The following CSF3R variants were observed in gnomAD, a reference collection of about 807,000 sequenced individuals.
CSF3R encodes the protein colony stimulating factor 3 receptor, also known as granulocyte colony-stimulating factor receptor.
In CSF3R, 52 loss-of-function variants were observed where a neutral mutation model predicts 84.4. The observed-to-expected ratio is 0.62, with a 90% CI of 0.49 to 0.78. The LOEUF (loss-of-function observed/expected upper bound fraction) is 0.78. CSF3R is among the 30% of genes least tolerant of loss of function. CSF3R has a pLI of 0.00. For missense variants in CSF3R, 890 were observed against 1,055.7 expected, an observed-to-expected ratio of 0.84 and a Z score of 2.17; for synonymous variants, 384 against 429.1, an observed-to-expected ratio of 0.89 and a Z score of 1.30.
chr1:36,475,697 G>A (rs758482056), intron 3 of CSF3R, 24 bp from the exon 4 acceptor site: 1 of 1,599,372 alleles, frequency 6.3e-7, no homozygotes, highest in Admixed American at 1.7e-5. Context: ...GAATGGGCCA[G>A]GAACGACGCC....
Position 36,476,533 on chromosome 1 carries a change from G to A in CSF3R, c.65-860C>T, listed in dbSNP as rs577174714. ...GACCCTCTCAGTTCCAGCTTATACC[G>A]GTCTCTCAGCTCCAGCTATTCTGGC... On this transcript the variant is annotated intron_variant, in intron 3 of 16. Coordinates refer to ENST00000373106, the MANE Select transcript of CSF3R (RefSeq NM_000760.4). Among the ~76,000 whole-genome samples, 2 of 152,066 alleles carry A rather than the reference G, an allele frequency of 1.3e-5. 1 individual carries two copies. The highest frequency in any genetic ancestry group is 4.2e-4 in the South Asian group (2 of 4,816).
At position 36,467,783 on chromosome 1, in the gene CSF3R, C is replaced by T. The variant is rs1342258589; in HGVS notation, c.1864+39G>A. 6.2e-7 allele frequency: 1 copy of T among 1,614,230 alleles called. No individual in the cohort carries two copies. Among genetic ancestry groups the T allele is most frequent in the Non-Finnish European group, 8.5e-7 (1 of 1,180,042 alleles). On this transcript the variant is annotated intron_variant, in intron 14 of 16. Coordinates refer to ENST00000373106, the MANE Select transcript of CSF3R (RefSeq NM_000760.4). The surrounding 1 kb of genome is among the most constrained non-coding windows in gnomAD (Gnocchi z 4.1). ...CAGCATCCTTTGGGTGGGGTACCCT[C>T]CAAACAGCCATCTCTGCCCAGCCCC...
intron 1 of CSF3R, among the ~76,000 whole-genome samples, chr1:36,482,587 A>G (rs1167324057): frequency 6.6e-6 from 1 of 152,094 alleles, no homozygotes; most frequent in Non-Finnish European, 1.5e-5. Context: ...CCCCAAGGAG[A>G]TACTTGGCTG....
chr1:36,466,519 G>A lies in CSF3R; in HGVS notation c.2349C>T (p.Ser783=), dbSNP rs1341992681. 1.2e-6 allele frequency: 2 copies of A among 1,610,040 alleles called. No individual in the cohort carries two copies. The highest frequency in any genetic ancestry group is 1.7e-5 in the Admixed American group (1 of 59,476). The part of the protein sequence containing the change: ...TQPLLAGLTP[S]PKSYENLWFQ... ...ACCAGAGGTTCTCATAGGACTTGGG[G>A]CTGGGGGTGAGGCCCGCCAAGAGGG... The change falls in exon 17 of 17, where the codon AGC becomes AGT. Residue 783 remains serine, a synonymous_variant. Coordinates refer to ENST00000373106, the MANE Select transcript of CSF3R (RefSeq NM_000760.4). This position sits in a 1 kb window ranked among gnomAD's most constrained non-coding sequence, Gnocchi z 4.6.
chr1:36,472,117 T>C lies in CSF3R; in HGVS notation c.1020A>G (p.Thr340=). The C allele has an allele frequency of 6.2e-7, 1 of 1,613,882 alleles. No homozygotes were observed. Among genetic ancestry groups the C allele is most frequent in the Non-Finnish European group, 8.5e-7 (1 of 1,180,024 alleles). The change falls in exon 9 of 17, where the codon ACA becomes ACG. Residue 340 remains threonine, a synonymous_variant. Coordinates refer to ENST00000373106, the MANE Select transcript of CSF3R (RefSeq NM_000760.4). The surrounding 1 kb of genome is among the most constrained non-coding windows in gnomAD (Gnocchi z 5.0). ...TERAPTVRLD[T]WWRQRQLDPR... is the part of the protein sequence containing the mutation. ...GGTCCAGCTGCCTCTGCCGCCACCATGTGTCCAGTCTGACAGTGGGGGCTG... is the reference window on the plus strand; with the variant it reads ...GGTCCAGCTGCCTCTGCCGCCACCACGTGTCCAGTCTGACAGTGGGGGCTG...
intron 10 of CSF3R, 40 bp downstream of exon 10, chr1:36,471,393 G>T (rs4376694): frequency 6.3e-7 from 1 of 1,580,780 alleles, no homozygotes; most frequent in Non-Finnish European, 8.7e-7. Context: ...GAATTGATGC[G>T]CTTGACCTCT....
In CSF3R at chr1:36,475,441, G is replaced by C. The variant is rs753010280; in HGVS notation, c.297C>G (p.Leu99=). Residue 99 remains leucine (L), a synonymous_variant, in exon 4 of 17, where the codon CTC becomes CTG. Transcript: ENST00000373106. ...TGTTGCCCCAGTTCAGGCAGCAGGAGAGAAAGGCCTGAGTGTGGTTGAGGT... is the reference window on the plus strand; with the variant it reads ...TGTTGCCCCAGTTCAGGCAGCAGGACAGAAAGGCCTGAGTGTGGTTGAGGT... The part of the protein sequence containing the change: ...LPHLNHTQAF[L]SCCLNWGNSL... 4 of 1,614,218 alleles carry C rather than the reference G, an allele frequency of 2.5e-6. No individual in the cohort carries two copies. The Admixed American group carries it at 6.7e-5, about 27-fold the overall frequency.
In CSF3R at chr1:36,469,223, G is replaced by T. The variant is rs142503546; in HGVS notation, c.1509C>A (p.Ile503=). 1.2e-6 allele frequency: 2 copies of T among 1,614,098 alleles called. No homozygotes were observed. The highest frequency in any genetic ancestry group is 1.7e-5 in the Admixed American group (1 of 60,014). ...TGGTGTCCTGGTACAAGGGAGTCACGATGATCTCATAGAGCTGAAAGGGCC... is the reference window on the plus strand; with the variant it reads ...TGGTGTCCTGGTACAAGGGAGTCACTATGATCTCATAGAGCTGAAAGGGCC... ...NIRPFQLYEI[I]VTPLYQDTMG... The change falls in exon 12 of 17, where the codon ATC becomes ATA. Residue 503 remains isoleucine, a synonymous_variant. Transcript: ENST00000373106.
Position 36,473,880 on chromosome 1 carries a change from T to C in CSF3R, c.369A>G (p.Pro123=), listed in dbSNP as rs1264124343. 2 of 1,614,162 alleles carry C rather than the reference T, an allele frequency of 1.2e-6. No individual in the cohort carries two copies. The highest frequency in any genetic ancestry group is 1.7e-5 in the Admixed American group (1 of 60,022). The change falls in exon 5 of 17, where the codon CCA becomes CCG. Residue 123 remains proline, a synonymous_variant. Transcript: ENST00000373106. ...DQVELRAGYP[P]AIPHNLSCLM... ...GGCAGGAGAGGTTGTGGGGTATGGC[T>C]GGAGGGTCTGCATGTGGGTGGGAAG...
Position 36,475,405 on chromosome 1 carries a change from G to A in CSF3R, c.333C>T (p.Ile111=). 6.2e-7 allele frequency: 1 copy of A among 1,614,044 alleles called. No individual in the cohort carries two copies. The highest frequency in any genetic ancestry group is 8.5e-7 in the Non-Finnish European group (1 of 1,180,016). ...CCLNWGNSLQ[I]LDQVELRAGY... ...CTGCGCGCAGCTCAACCTGGTCCAG[G>A]ATCTGCAGGCTGTTGCCCCAGTTCA... The change falls in exon 4 of 17, where the codon ATC becomes ATT. Residue 111 remains isoleucine (I), a synonymous_variant. Coordinates refer to ENST00000373106, the MANE Select transcript of CSF3R (RefSeq NM_000760.4).
intron 11 of CSF3R, 23 bp from the exon 12 acceptor site, chr1:36,469,280 G>A (rs1386874914): frequency 6.3e-7 from 1 of 1,582,222 alleles, no homozygotes; most frequent in African/African-American, 1.3e-5. Context: ...AATGGGGTAG[G>A]CACTTCTGTT....
rs1203290914 is a variant in CSF3R at position 36,472,760 on chromosome 1, C to T, written c.674-74G>A. On this transcript the variant is annotated intron_variant, in intron 6 of 16. Coordinates refer to ENST00000373106, the MANE Select transcript of CSF3R (RefSeq NM_000760.4). This position sits in a 1 kb window ranked among gnomAD's most constrained non-coding sequence, Gnocchi z 5.0. Reference sequence around the variant, plus strand: ...GCTCTGCCTTAGCTCCCTCTTGTCTCCCTGTCTGTGGTTCACCATCTGTCC... The same window carrying T: ...GCTCTGCCTTAGCTCCCTCTTGTCTTCCTGTCTGTGGTTCACCATCTGTCC... 1.4e-6 allele frequency: 2 copies of T among 1,443,834 alleles called. No homozygotes were observed. The highest frequency in any genetic ancestry group is 1.4e-5 in the South Asian group (1 of 69,374). 89.4% of individuals were successfully genotyped at this position (1,443,834 alleles called of 1,614,324 possible).
rs937978260 is a variant in CSF3R, at chr1:36,467,052, G to A, written c.2040+178C>T. On this transcript the variant is annotated intron_variant, in intron 16 of 16. Transcript: ENST00000373106. The surrounding 1 kb of genome is among the most constrained non-coding windows in gnomAD (Gnocchi z 4.1). ...CAGTTTTTCCATATCACAGGGAGGT[G>A]ACTGAGGCTTTGAGATGGACAGAGG... The A allele has an allele frequency of 1.6e-6, 2 of 1,275,990 alleles. No homozygotes were observed. Among genetic ancestry groups the A allele is most frequent in the Admixed American group, 2.0e-5 (1 of 50,956 alleles). The allele number at this position is 1,275,990 out of a possible 1,614,324, so 79.0% of individuals were successfully genotyped here. A position where few individuals can be genotyped will look rare whatever the true frequency, so the allele number is the denominator to read the frequency against.
At position 36,469,700 on chromosome 1, in the gene CSF3R, T is replaced by G. The variant is rs1650577590; in HGVS notation, c.1426A>C (p.Thr476Pro). The G allele has an allele frequency of 6.2e-7, 1 of 1,614,004 alleles. No homozygotes were observed. Among genetic ancestry groups the G allele is most frequent in the South Asian group, 1.1e-5 (1 of 91,076 alleles). The change falls in exon 11 of 17, where the codon ACC (threonine) becomes CCC (proline). Residue 476 changes from threonine to proline, a missense_variant. By Grantham distance (38) the Thr-to-Pro change is conservative. Transcript: ENST00000373106. ...CTCCCATTCTGTTCCATCCTCCAGG[T>G]CTTGTTGCTATTGCTCGCGCTGGGG... is the stretch of plus-strand genomic sequence containing the variant. Reference protein sequence around the residue: ...GPPSASNSNKTWRMEQNGRAT... With the variant: ...GPPSASNSNKPWRMEQNGRAT...
chr1:36,468,342 G>T, intron 12 of CSF3R, 121 bp from the exon 13 acceptor site: 1 of 1,004,552 alleles, frequency 1.0e-6, no homozygotes. Flanking sequence ...GGGGACTCAT[G>T]CCCAAGCCTC....
rs1650375363 is a variant in CSF3R, at chr1:36,467,148, G to A, written c.2040+82C>T. On this transcript the variant is annotated intron_variant, in intron 16 of 16. Coordinates refer to ENST00000373106, the MANE Select transcript of CSF3R (RefSeq NM_000760.4). The surrounding 1 kb of genome is among the most constrained non-coding windows in gnomAD (Gnocchi z 4.1). ...TGCCGGAAGTGACAGGAAGGCCTGA[G>A]TACTTGGCTTCAGAAGGTGTCCCTT... The A allele has an allele frequency of 1.4e-6, 2 of 1,473,004 alleles. No homozygotes were observed. The highest frequency in any genetic ancestry group is 1.7e-5 in the Admixed American group (1 of 59,594). The allele number at this position is 1,473,004 out of a possible 1,614,324, so 91.2% of individuals were successfully genotyped here.
At chr1:36,482,257 CGA>C (rs1318288099) in intron 1 of CSF3R, among the ~76,000 whole-genome samples, 5 of 146,910 alleles carry the variant, frequency 3.4e-5, no homozygotes, top group African/African-American at 7.9e-5. Context: ...AGAGAGATAT[CGA>C]GAGACAGAGA....
In CSF3R at chr1:36,472,530, G is replaced by A. The variant is rs1650834971; in HGVS notation, c.830C>T (p.Ala277Val). 1.2e-6 allele frequency: 2 copies of A among 1,614,068 alleles called. No individual in the cohort carries two copies. The highest frequency in any genetic ancestry group is 1.7e-6 in the Non-Finnish European group (2 of 1,180,038). The change falls in exon 7 of 17, where the codon GCC becomes GTC. Residue 277 changes from alanine to valine, a missense_variant. By Grantham distance (64) the Ala-to-Val change is moderately conservative. Coordinates refer to ENST00000373106, the MANE Select transcript of CSF3R (RefSeq NM_000760.4). This position sits in a 1 kb window ranked among gnomAD's most constrained non-coding sequence, Gnocchi z 5.0. ...CCTCTGCCTCACCAGTGCCCAGCTG[G>A]CTTCTCCACGCTGCGGCTTGTGGCG... ...ELRHKPQRGE[A>V]SWALVGPLPL...
chr1:36,472,117 T>G lies in CSF3R; in HGVS notation c.1020A>C (p.Thr340=). 2 of 1,613,882 alleles carry G rather than the reference T, an allele frequency of 1.2e-6. No homozygotes were observed. The highest frequency in any genetic ancestry group is 1.7e-6 in the Non-Finnish European group (2 of 1,180,024). ...TERAPTVRLD[T]WWRQRQLDPR... is the part of the protein sequence containing the mutation. ...GGTCCAGCTGCCTCTGCCGCCACCA[T>G]GTGTCCAGTCTGACAGTGGGGGCTG... is the stretch of plus-strand genomic sequence containing the variant. Residue 340 remains threonine, a synonymous_variant, in exon 9 of 17, where the codon ACA becomes ACC. Transcript: ENST00000373106. This position sits in a 1 kb window ranked among gnomAD's most constrained non-coding sequence, Gnocchi z 5.0.
Sources: gnomAD v4.1 joint callset for allele counts (sites outside exome capture counted in the v4.1 genomes callset) on GRCh38, gnomAD v4.1.1 for gene constraint, Gnocchi (gnomAD v3.1) non-coding constraint, MANE v1.5 for transcripts, NCBI Gene and HGNC (gene_info 2026-07-23, HGNC 2026-07-21) for gene names.